Variants in PAN3 observed in about 807,000 individuals in gnomAD.
PAN3 encodes the protein poly(A) specific ribonuclease subunit PAN3.
PAN3 carries 19 observed loss-of-function variants against 96.2 expected under a neutral mutation model. The ratio of observed to expected loss-of-function variants is 0.20; its 90% CI spans 0.14 to 0.29. The LOEUF is 0.29. Ranked by LOEUF, PAN3 falls within the 10% of genes least tolerant of loss-of-function variation. The pLI, the probability that PAN3 is intolerant of heterozygous loss-of-function variation, is 1.00. For missense variants in PAN3, 882 were observed against 1,108.1 expected, an observed-to-expected ratio of 0.80 and a Z score of 2.90; for synonymous variants, 433 against 406.6, an observed-to-expected ratio of 1.06 and a Z score of -0.78.
Position 28,292,744 on chromosome 13 carries a change from A to G in PAN3, c.*222A>G, listed in dbSNP as rs1014787572. 2 of 360,596 alleles carry G rather than the reference A, an allele frequency of 5.5e-6. No homozygotes were observed. Among genetic ancestry groups the G allele is most frequent in the Non-Finnish European group, 9.8e-6 (2 of 203,890 alleles). 22.3% of individuals were successfully genotyped at this position (360,596 alleles called of 1,614,324 possible). On this transcript the variant is annotated 3_prime_UTR_variant, in exon 19 of 19. Transcript: ENST00000380958. ...GGAGGCTGTTATCTGTGAAGAATTT[A>G]TTTTAGATTTAGGAGCACCATCAGG...
chr13:28,190,654 A>G (rs1877130439), intron 4 of PAN3, among the ~76,000 whole-genome samples: 1 of 152,194 alleles, frequency 6.6e-6, no homozygotes, highest in Non-Finnish European at 1.5e-5. Context: ...TATAAAGGTA[A>G]GAGGTTTAAT....
Position 28,239,847 on chromosome 13 carries a change from G to C in PAN3, c.1001-16445G>C, listed in dbSNP as rs953646507. On this transcript the variant is annotated intron_variant, in intron 6 of 18. Coordinates refer to ENST00000380958, the MANE Select transcript of PAN3 (RefSeq NM_175854.8). ...TTACTGACTTCGTTTTTATTTTATT[G>C]TCAAACTTCTTTAAAGTGGATAAAT... The C allele has an allele frequency of 7.2e-5, 26 of 363,598 alleles. No individual in the cohort carries two copies. The East Asian group carries it at 1.2e-3, about 17-fold the overall frequency. 22.5% of individuals were successfully genotyped at this position (363,598 alleles called of 1,614,324 possible). A position where few individuals can be genotyped will look rare whatever the true frequency, so the allele number is the denominator to read the frequency against.
At chr13:28,193,752 A>AAC (rs1445742341) in intron 4 of PAN3, among the ~76,000 whole-genome samples, 2 of 149,744 alleles carry the variant, frequency 1.3e-5, no homozygotes, top group African/African-American at 5.0e-5. Context: ...AAAAAAAAAA[A>AAC]AAAACCCAAG....
At chr13:28,171,233 A>G (rs994149658) in intron 1 of PAN3, among the ~76,000 whole-genome samples, 8 of 151,922 alleles carry the variant, frequency 5.3e-5, no homozygotes, top group African/African-American at 1.9e-4. Flanking sequence ...TTCACATTGT[A>G]AATGGTTATT....
At chr13:28,177,431 G>A (rs1875166339) in intron 3 of PAN3, among the ~76,000 whole-genome samples, 1 of 152,174 alleles carries the variant, frequency 6.6e-6, no homozygotes, top group Non-Finnish European at 1.5e-5. Flanking sequence ...AAGCCTTGCT[G>A]ATGTGTTGAA....
At chr13:28,167,452 C>A (rs117704649) in intron 1 of PAN3, among the ~76,000 whole-genome samples, 1 of 151,984 alleles carries the variant, frequency 6.6e-6, no homozygotes, top group Admixed American at 6.6e-5. Context: ...TGAGCCATTG[C>A]GCCCGGCCCA....
At position 28,168,035 on chromosome 13, in the gene PAN3, C is replaced by T. The variant is rs369261993; in HGVS notation, c.431-6237C>T. Among the ~76,000 whole-genome samples the T allele has an allele frequency of 5.9e-5, 9 of 152,312 alleles. No homozygotes were observed. In the East Asian group the frequency reaches 1.5e-3, roughly 26 times the overall value. ...GGCACTAATGCCATTCATGAGGACT[C>T]TGTCCTTGTGACTTAATCACCTTCT... is the stretch of plus-strand genomic sequence containing the variant. On this transcript the variant is annotated intron_variant, in intron 1 of 18. Transcript: ENST00000380958.
Position 28,174,354 on chromosome 13 carries a change from A to G in PAN3, c.513A>G (p.Gly171=). ...GCACCAGCTTTATTGGAGTCAATGG[A>G]TTTGGAAGCCCTGTAGAAACAAAAT... The part of the protein sequence containing the change: ...YFSTSFIGVN[G]FGSPVETKYP... Residue 171 remains glycine (G), a synonymous_variant, in exon 2 of 19, where the codon GGA becomes GGG. Transcript: ENST00000380958. 1 of 1,613,286 alleles carries G rather than the reference A, an allele frequency of 6.2e-7. No individual in the cohort carries two copies. Among genetic ancestry groups the G allele is most frequent in the Non-Finnish European group, 8.5e-7 (1 of 1,179,342 alleles).
intron 1 of PAN3, among the ~76,000 whole-genome samples, chr13:28,166,673 A>C (rs370222565): frequency 6.6e-6 from 1 of 152,138 alleles, no homozygotes; most frequent in African/African-American, 2.4e-5. Context: ...TTTCTGAGGA[A>C]TCCTTTGAAA....
chr13:28,249,237 A>G (rs550863826), intron 6 of PAN3, among the ~76,000 whole-genome samples: 2 of 152,304 alleles, frequency 1.3e-5, no homozygotes, highest in South Asian at 2.1e-4. Context: ...AAAAGTCACA[A>G]TGGTTTATAC....
chr13:28,235,709 A>ACACACACACACACACC (rs1566213307), intron 6 of PAN3, among the ~76,000 whole-genome samples: 2 of 150,586 alleles, frequency 1.3e-5, no homozygotes, highest in African/African-American at 4.9e-5. Context: ...ACACACACAC[A>ACACACACACACACACC]CACACACACA....
chr13:28,223,460 A>G (rs1881619733), intron 6 of PAN3, among the ~76,000 whole-genome samples: 1 of 151,960 alleles, frequency 6.6e-6, no homozygotes, highest in Non-Finnish European at 1.5e-5. Context: ...AGTTATGCAT[A>G]TTTTTATTTA....
intron 2 of PAN3, among the ~76,000 whole-genome samples, chr13:28,175,848 T>C (rs1253336181): frequency 1.3e-5 from 2 of 152,220 alleles, no homozygotes; most frequent in Non-Finnish European, 1.5e-5. Flanking sequence ...TTTAAAATTA[T>C]GCAGACATTA....
chr13:28,193,372 A>C (rs1408503120), intron 4 of PAN3, among the ~76,000 whole-genome samples: 2 of 152,186 alleles, frequency 1.3e-5, no homozygotes, highest in African/African-American at 4.8e-5. Flanking sequence ...GGAATGATGA[A>C]TTCCCTTTTT....
intron 18 of PAN3, among the ~76,000 whole-genome samples, chr13:28,291,602 G>C (rs895318002): frequency 6.6e-6 from 1 of 152,184 alleles, no homozygotes; most frequent in Non-Finnish European, 1.5e-5. Context: ...GGCCGAGGCG[G>C]GTGGATCGCC....
intron 4 of PAN3, among the ~76,000 whole-genome samples, chr13:28,195,457 G>C (rs1398978493): frequency 6.6e-6 from 1 of 152,078 alleles, no homozygotes; most frequent in East Asian, 1.9e-4. Flanking sequence ...TGAGTAAGTA[G>C]GCATTCTAGT....
chr13:28,236,389 T>C (rs980449869), intron 6 of PAN3, among the ~76,000 whole-genome samples: 4 of 152,184 alleles, frequency 2.6e-5, no homozygotes, highest in Admixed American at 1.3e-4. Flanking sequence ...CATCAGCCTT[T>C]ATCTATATTT....
chr13:28,138,708 C>T lies in PAN3; in HGVS notation c.51C>T (p.Ser17=), dbSNP rs930939857. Residue 17 remains serine (S), a synonymous_variant, in exon 1 of 19, where the codon TCC becomes TCT. Transcript: ENST00000380958. Reference sequence around the variant, plus strand: ...CCCCCTCGGCCGCCGCCTCCCCTTCCTCCTCCTCGCTGGCGGCGGCGGTGG... The same window carrying T: ...CCCCCTCGGCCGCCGCCTCCCCTTCTTCCTCCTCGCTGGCGGCGGCGGTGG... ...LPPPSAAASP[S]SSSLAAAVAV... is the part of the protein sequence containing the mutation. 7.7e-6 allele frequency: 9 copies of T among 1,172,840 alleles called. No individual in the cohort carries two copies. The African/African-American group carries it at 1.1e-4, about 15-fold the overall frequency. 72.7% of individuals were successfully genotyped at this position (1,172,840 alleles called of 1,614,324 possible).
intron 5 of PAN3, among the ~76,000 whole-genome samples, chr13:28,201,510 C>A (rs769878261): frequency 2.0e-5 from 3 of 152,012 alleles, no homozygotes; most frequent in Non-Finnish European, 1.5e-5. Flanking sequence ...TGTGTCGCTG[C>A]ACTCCAGCCT....
Sources: allele counts gnomAD v4.1 joint callset (sites outside exome capture counted in the v4.1 genomes callset), GRCh38; gene constraint gnomAD v4.1.1; transcripts MANE v1.5; gene names NCBI Gene and HGNC (gene_info 2026-07-23, HGNC 2026-07-21).